The following EFNA5 variants were observed in gnomAD, a reference collection of about 807,000 sequenced individuals.
The protein encoded by EFNA5 is ephrin-A5.
EFNA5 carries 5 observed loss-of-function variants against 22.9 expected under a neutral mutation model. The observed-to-expected ratio is 0.22, with a 90% CI of 0.11 to 0.46. The LOEUF is 0.46. Among genes scored for constraint, EFNA5 ranks in the 20% least tolerant of loss-of-function variants. The pLI, the probability that EFNA5 is intolerant of heterozygous loss-of-function variation, is 0.99. For missense variants in EFNA5, 237 were observed against 293.3 expected (o/e 0.81, Z 1.40); for synonymous variants, 113 against 112.2 (o/e 1.01, Z -0.04).
chr5:107,529,742 C>T (rs1403519338), intron 1 of EFNA5, among the ~76,000 whole-genome samples: 1 of 152,114 alleles, frequency 6.6e-6, no homozygotes, highest in Non-Finnish European at 1.5e-5. Context: ...CATTTTTCTC[C>T]TCATTCTTGC....
intron 1 of EFNA5, among the ~76,000 whole-genome samples, chr5:107,473,660 T>A (rs539484460): frequency 2.1e-5 from 2 of 94,426 alleles, no homozygotes; most frequent in East Asian, 9.1e-4. Context: ...TTCACTTGAA[T>A]TTTTTTTTTT....
chr5:107,649,131 A>G (rs1297903212), intron 1 of EFNA5, among the ~76,000 whole-genome samples: 2 of 152,130 alleles, frequency 1.3e-5, no homozygotes, highest in Non-Finnish European at 2.9e-5. Context: ...CGGATCTTCT[A>G]AGTGAGATGC....
At chr5:107,579,680 T>C (rs1294439056) in intron 1 of EFNA5, among the ~76,000 whole-genome samples, 2 of 152,160 alleles carry the variant, frequency 1.3e-5, no homozygotes, top group African/African-American at 4.8e-5. Context: ...GACTTGATAA[T>C]TTCAGTTCAA....
At chr5:107,445,045 T>TAG (rs1438147120) in intron 1 of EFNA5, among the ~76,000 whole-genome samples, 1 of 152,090 alleles carries the variant, frequency 6.6e-6, no homozygotes, top group Non-Finnish European at 1.5e-5. Flanking sequence ...TTTTTGGAGA[T>TAG]AGAGTCTCAC....
intron 1 of EFNA5, among the ~76,000 whole-genome samples, chr5:107,615,397 AG>A (rs1395679671): frequency 1.3e-5 from 2 of 151,896 alleles, no homozygotes; most frequent in African/African-American, 4.8e-5. Context: ...ATTCAGGGGG[AG>A]GGGGGAGTGG....
intron 1 of EFNA5, among the ~76,000 whole-genome samples, chr5:107,437,771 T>C (rs1749154585): frequency 6.6e-6 from 1 of 152,186 alleles, no homozygotes; most frequent in Middle Eastern, 3.2e-3. Context: ...CAATAATCTC[T>C]TCCTGTGTTC....
chr5:107,478,471 G>A (rs1435099381), intron 1 of EFNA5, among the ~76,000 whole-genome samples: 3 of 152,148 alleles, frequency 2.0e-5, no homozygotes, highest in East Asian at 1.9e-4. Flanking sequence ...GATGTCGGGA[G>A]AGCACACACG....
At chr5:107,538,492 T>C (rs1747972709) in intron 1 of EFNA5, among the ~76,000 whole-genome samples, 1 of 152,206 alleles carries the variant, frequency 6.6e-6, no homozygotes, top group Non-Finnish European at 1.5e-5. Context: ...AAGAATGGTC[T>C]GAGCAGTAAG....
At chr5:107,592,443 C>A (rs984062751) in intron 1 of EFNA5, among the ~76,000 whole-genome samples, 3 of 151,944 alleles carry the variant, frequency 2.0e-5, no homozygotes, top group South Asian at 2.1e-4. Context: ...TGATTATTGG[C>A]AACATGGACA....
intron 4 of EFNA5, among the ~76,000 whole-genome samples, chr5:107,386,148 C>CAAAAAAA (rs33964723): frequency 1.3e-5 from 1 of 79,482 alleles, no homozygotes; most frequent in East Asian, 4.3e-4. Flanking sequence ...AGAAATTCTA[C>CAAAAAAA]AAAAAAAAAA....
intron 1 of EFNA5, among the ~76,000 whole-genome samples, chr5:107,600,250 T>C (rs939588302): frequency 3.3e-5 from 5 of 152,162 alleles, no homozygotes; most frequent in East Asian, 1.9e-4. Flanking sequence ...TGTGAATAGA[T>C]AGAACAGTGG....
chr5:107,519,820 C>G (rs1177645960), intron 1 of EFNA5, among the ~76,000 whole-genome samples: 2 of 152,142 alleles, frequency 1.3e-5, no homozygotes, highest in Non-Finnish European at 2.9e-5. Context: ...AGTGCATTTT[C>G]ATTCTGGGAG....
At chr5:107,383,060 A>C (rs1277909119) in intron 4 of EFNA5, among the ~76,000 whole-genome samples, 1 of 152,182 alleles carries the variant, frequency 6.6e-6, no homozygotes, top group Non-Finnish European at 1.5e-5. Flanking sequence ...CCCCTGCTTC[A>C]GATATGCTCG....
chr5:107,545,499 G>A (rs1748128049), intron 1 of EFNA5, among the ~76,000 whole-genome samples: 1 of 152,180 alleles, frequency 6.6e-6, no homozygotes, highest in African/African-American at 2.4e-5. Context: ...GTTTCATGAA[G>A]TAAGCTACCT....
In EFNA5 at chr5:107,546,483, G is replaced by A. The variant is rs146076858; in HGVS notation, c.126-118974C>T. Among the ~76,000 whole-genome samples the A allele has an allele frequency of 1.4e-3, 214 of 152,248 alleles. 1 individual carries two copies. Among genetic ancestry groups the A allele is most frequent in the African/African-American group, 5.0e-3 (208 of 41,536 alleles). On this transcript the variant is annotated intron_variant, in intron 1 of 4. Coordinates refer to ENST00000333274, the MANE Select transcript of EFNA5 (RefSeq NM_001962.3). The stretch of plus-strand genomic sequence containing the variant: ...TTTATTTGCACAGCATATGTACTGC[G>A]TCCGAAGCAGTGCATTAAAAAAGAT...
At chr5:107,638,287 A>T (rs62355659) in intron 1 of EFNA5, among the ~76,000 whole-genome samples, 155 of 152,248 alleles carry the variant, frequency 1.0e-3, no homozygotes, top group Admixed American at 2.0e-3. Context: ...TTATATGCAG[A>T]GGCTAAAAAA....
At chr5:107,425,780 T>A (rs1025366019) in intron 2 of EFNA5, among the ~76,000 whole-genome samples, 1 of 152,234 alleles carries the variant, frequency 6.6e-6, no homozygotes, top group Non-Finnish European at 1.5e-5. Flanking sequence ...TGACTTATTA[T>A]AAAATTCTGT....
chr5:107,592,665 G>A (rs1749401334), intron 1 of EFNA5, among the ~76,000 whole-genome samples: 2 of 152,152 alleles, frequency 1.3e-5, no homozygotes, highest in Non-Finnish European at 2.9e-5. Context: ...GAGATGCAGG[G>A]ACAGGCTCTT....
intron 1 of EFNA5, among the ~76,000 whole-genome samples, chr5:107,485,936 C>T (rs1723312369): frequency 6.6e-6 from 1 of 152,116 alleles, no homozygotes; most frequent in South Asian, 2.1e-4. Flanking sequence ...ACCTCGCCAA[C>T]TGGATACTGA....
Sources: gnomAD v4.1 joint callset for allele counts (sites outside exome capture counted in the v4.1 genomes callset) on GRCh38, gnomAD v4.1.1 for gene constraint, MANE v1.5 for transcripts, NCBI Gene and HGNC (gene_info 2026-07-23, HGNC 2026-07-21) for gene names.